ABCB9: variants seen among roughly 807,000 people sequenced by gnomAD.
ABCB9 encodes the protein ABC-type oligopeptide transporter ABCB9.
ABCB9 carries 36 observed loss-of-function variants against 62.0 expected under a neutral mutation model. The observed-to-expected ratio is 0.58, with a 90% CI of 0.45 to 0.77. The LOEUF (loss-of-function observed/expected upper bound fraction) is 0.77. ABCB9 is among the 30% of genes least tolerant of loss of function. The pLI, the probability that ABCB9 is intolerant of heterozygous loss-of-function variation, is 0.00. For missense variants in ABCB9, 943 were observed against 1,054.7 expected, an observed-to-expected ratio of 0.89 and a Z score of 1.47; for synonymous variants, 435 against 461.4, an observed-to-expected ratio of 0.94 and a Z score of 0.73.
downstream of ABCB9, among the ~76,000 whole-genome samples, chr12:122,926,490 C>T (rs147714968): frequency 2.2e-4 from 34 of 152,080 alleles, no homozygotes; most frequent in East Asian, 1.5e-3. Context: ...GAGGTTGCAG[C>T]GAGCTAAGAT....
upstream of ABCB9, among the ~76,000 whole-genome samples, chr12:122,966,762 C>T (rs901485638): frequency 3.3e-5 from 5 of 152,152 alleles, no homozygotes; most frequent in African/African-American, 2.4e-5. Flanking sequence ...AGCCACGGGC[C>T]CATCCTGAGG....
Position 122,959,911 on chromosome 12 carries a change from T to G in ABCB9, c.325A>C (p.Arg109=). ...CAAAACCAGGGGTCCCGGATGGGCC[T>G]GCGCACCTCTGAGAAGAGCAGCAGC... ...VKLLLFSEVR[R]PIRDPWFWAL... is the part of the protein sequence containing the mutation. The change falls in exon 2 of 12, where the codon AGG becomes CGG. Residue 109 remains arginine, a synonymous_variant. Coordinates refer to ENST00000280560, the MANE Select transcript of ABCB9 (RefSeq NM_019625.4). The surrounding 1 kb of genome is among the most constrained non-coding windows in gnomAD (Gnocchi z 5.4). The G allele has an allele frequency of 6.2e-7, 1 of 1,613,436 alleles. No individual in the cohort carries two copies. The highest frequency in any genetic ancestry group is 8.5e-7 in the Non-Finnish European group (1 of 1,179,918).
rs1348048004 is a variant in ABCB9, at chr12:122,930,629, C to T, written c.2041-458G>A. ...TTCACCATGTTGGCCAGACTGGTCTCGAACACCTGACTTTGTGATCCGCCT... is the reference window on the plus strand; with the variant it reads ...TTCACCATGTTGGCCAGACTGGTCTTGAACACCTGACTTTGTGATCCGCCT... On this transcript the variant is annotated intron_variant, in intron 11 of 11. Transcript: ENST00000280560. This position sits in a 1 kb window ranked among gnomAD's most constrained non-coding sequence, Gnocchi z 4.9. Among the ~76,000 whole-genome samples, 5 of 151,950 alleles carry T rather than the reference C, an allele frequency of 3.3e-5. No individual in the cohort carries two copies. Among genetic ancestry groups the T allele is most frequent in the African/African-American group, 9.7e-5 (4 of 41,338 alleles).
chr12:122,945,510 C>T (rs963575023), intron 6 of ABCB9, among the ~76,000 whole-genome samples: 2 of 152,142 alleles, frequency 1.3e-5, no homozygotes, highest in Admixed American at 1.3e-4. Context: ...AGGATGTTTC[C>T]CCAGCTGGGA....
intron 2 of ABCB9, among the ~76,000 whole-genome samples, chr12:122,957,954 G>C (rs2036692044): frequency 6.6e-6 from 1 of 151,438 alleles, no homozygotes; most frequent in Non-Finnish European, 1.5e-5. Flanking sequence ...CAGATCGCTT[G>C]AACTCAGGAG....
chr12:122,919,713 G>C (rs2135725498), downstream of ABCB9, among the ~76,000 whole-genome samples: 1 of 152,042 alleles, frequency 6.6e-6, no homozygotes, highest in South Asian at 2.1e-4. Context: ...TCTCCACTGT[G>C]ACCCACAACC....
At chr12:122,972,037 C>CTTTTTTTTTT (rs57112984) in intron 1 of ABCB9, among the ~76,000 whole-genome samples, 2 of 99,270 alleles carry the variant, frequency 2.0e-5, no homozygotes, top group African/African-American at 4.1e-5. Flanking sequence ...TTCATAATGT[C>CTTTTTTTTTT]TTTTTTTTTT....
Position 122,959,756 on chromosome 12 carries a change from C to G in ABCB9, c.480G>C (p.Gly160=). The G allele has an allele frequency of 6.2e-7, 1 of 1,611,848 alleles. No individual in the cohort carries two copies. The highest frequency in any genetic ancestry group is 8.5e-7 in the Non-Finnish European group (1 of 1,179,152). ...GAATEAEGFP[G]SGRPPPEQAS... is the part of the protein sequence containing the mutation. ...CCTGCTCGGGCGGTGGCCGGCCGCT[C>G]CCAGGGAAGCCCTCAGCCTCGGTGG... Residue 160 remains glycine, a synonymous_variant, in exon 2 of 12, where the codon GGG becomes GGC. Transcript: ENST00000280560. This position sits in a 1 kb window ranked among gnomAD's most constrained non-coding sequence, Gnocchi z 5.4.
At position 122,935,130 on chromosome 12, in the gene ABCB9, C is replaced by G. The variant is rs538886391; in HGVS notation, c.1903+142G>C. On this transcript the variant is annotated intron_variant, in intron 10 of 11. Coordinates refer to ENST00000280560, the MANE Select transcript of ABCB9 (RefSeq NM_019625.4). The stretch of plus-strand genomic sequence containing the variant: ...GAAGATTGCTTGAGCGCAGGAGGTT[C>G]GAGTCTGGCCAGGGTAACGTAGCGG... The G allele has an allele frequency of 2.4e-5, 25 of 1,031,696 alleles. No homozygotes were observed. The Admixed American group carries it at 7.8e-4, about 32-fold the overall frequency. The allele number at this position is 1,031,696 out of a possible 1,614,324, so 63.9% of individuals were successfully genotyped here.
At chr12:122,939,802 G>T in intron 9 of ABCB9, 1 of 238,680 alleles carries the variant, frequency 4.2e-6, no homozygotes, top group Non-Finnish European at 8.1e-6. Flanking sequence ...AAAGTGCTGG[G>T]ATTACAGGTG....
intron 10 of ABCB9, among the ~76,000 whole-genome samples, chr12:122,934,043 A>G (rs758109524): frequency 1.3e-5 from 2 of 152,184 alleles, no homozygotes; most frequent in Non-Finnish European, 2.9e-5. Context: ...CAGGAGTTCA[A>G]GACCAGCCTG....
At chr12:122,965,449 T>C (rs2037120797) in intron 1 of ABCB9, among the ~76,000 whole-genome samples, 2 of 152,178 alleles carry the variant, frequency 1.3e-5, no homozygotes, top group Non-Finnish European at 2.9e-5. Context: ...GGTCCCTGGC[T>C]CTGGGGCAGG....
chr12:122,943,067 T>C (rs572034250), intron 7 of ABCB9, among the ~76,000 whole-genome samples: 97 of 152,256 alleles, frequency 6.4e-4, no homozygotes, highest in Middle Eastern at 3.4e-3. Context: ...GGCTTTTTTG[T>C]GGGAGCGAGG....
chr12:122,957,436 G>A (rs996749200), intron 2 of ABCB9, among the ~76,000 whole-genome samples: 1 of 152,172 alleles, frequency 6.6e-6, no homozygotes, highest in African/African-American at 2.4e-5. Flanking sequence ...AAAGGCTGGA[G>A]AACTTACGCA....
At chr12:122,921,175 G>C in intron 11 of ABCB9, 1 of 831,164 alleles carries the variant, frequency 1.2e-6, no homozygotes. Context: ...AGCACTTTGG[G>C]AGGCCGAGGC....
chr12:122,940,707 A>G lies in ABCB9; in HGVS notation c.1569+100T>C. ...CTGGAGGGCAATGATCTTGCCTGAC[A>G]TATTCCCAGCTGCCCTGCCACAGCC... is the stretch of plus-strand genomic sequence containing the variant. On this transcript the variant is annotated intron_variant, in intron 8 of 11. Transcript: ENST00000280560. This position sits in a 1 kb window ranked among gnomAD's most constrained non-coding sequence, Gnocchi z 4.8. The G allele has an allele frequency of 7.2e-7, 1 of 1,392,876 alleles. No individual in the cohort carries two copies. Among genetic ancestry groups the G allele is most frequent in the Non-Finnish European group, 9.5e-7 (1 of 1,047,836 alleles). The allele number at this position is 1,392,876 out of a possible 1,614,324, so 86.3% of individuals were successfully genotyped here. A position where few individuals can be genotyped will look rare whatever the true frequency, so the allele number is the denominator to read the frequency against.
At chr12:122,924,132 C>A (rs1204643754), downstream of ABCB9, among the ~76,000 whole-genome samples, 2 of 152,172 alleles carry the variant, frequency 1.3e-5, no homozygotes, top group Non-Finnish European at 2.9e-5. Context: ...GGATTGGGGT[C>A]GTCTTTAGCC....
chr12:122,945,979 C>T (rs1452382968), intron 6 of ABCB9, 46 bp downstream of exon 6: 1 of 1,596,370 alleles, frequency 6.3e-7, no homozygotes, highest in Non-Finnish European at 8.5e-7. Flanking sequence ...CCCATCTTTG[C>T]ATCCCATCCC....
intron 2 of ABCB9, among the ~76,000 whole-genome samples, chr12:122,957,091 G>A (rs2036642034): frequency 6.6e-6 from 1 of 151,848 alleles, no homozygotes; most frequent in Non-Finnish European, 1.5e-5. Flanking sequence ...GCCCGGGCTG[G>A]AGGGCAGTGG....
Sources: gnomAD v4.1 joint callset for allele counts (sites outside exome capture counted in the v4.1 genomes callset) on GRCh38, gnomAD v4.1.1 for gene constraint, Gnocchi (gnomAD v3.1) non-coding constraint, MANE v1.5 for transcripts, NCBI Gene and HGNC (gene_info 2026-07-23, HGNC 2026-07-21) for gene names.